The following CDH12 variants were observed in gnomAD, a reference collection of about 807,000 sequenced individuals.
The protein encoded by CDH12 is cadherin 12.
CDH12 carries 41 observed loss-of-function variants against 74.1 expected under a neutral mutation model. The ratio of observed to expected loss-of-function variants is 0.55; its 90% CI spans 0.43 to 0.72. CDH12 has a LOEUF of 0.72. Among genes scored for constraint, CDH12 ranks in the 30% least tolerant of loss-of-function variants. The pLI, the probability that CDH12 is intolerant of heterozygous loss-of-function variation, is 0.00. For synonymous variants in CDH12, 399 were observed against 355.0 expected (o/e 1.12, Z -1.39); for missense variants, 945 against 977.2 (o/e 0.97, Z 0.44).
At chr5:22,798,321 C>G (rs1315026779) in intron 1 of CDH12, among the ~76,000 whole-genome samples, 1 of 152,054 alleles carries the variant, frequency 6.6e-6, no homozygotes, top group Non-Finnish European at 1.5e-5. Flanking sequence ...TTAACAAAAA[C>G]TATAATAGTT....
intron 2 of CDH12, among the ~76,000 whole-genome samples, chr5:22,439,011 A>G (rs1372872227): frequency 6.6e-6 from 1 of 151,892 alleles, no homozygotes; most frequent in Non-Finnish European, 1.5e-5. Flanking sequence ...AGGAAGATTT[A>G]ATTAAGGAAA....
chr5:22,464,488 C>T (rs1015257869), intron 2 of CDH12, among the ~76,000 whole-genome samples: 8 of 152,102 alleles, frequency 5.3e-5, no homozygotes, highest in African/African-American at 1.9e-4. Flanking sequence ...TAATGAAATT[C>T]GTTTTGACAA....
At chr5:22,393,492 T>A (rs1016546920) in intron 3 of CDH12, among the ~76,000 whole-genome samples, 1 of 152,140 alleles carries the variant, frequency 6.6e-6, no homozygotes, top group South Asian at 2.1e-4. Context: ...GATATTGGCA[T>A]CTGGAAGTCA....
At chr5:22,652,371 T>G (rs1032196448) in intron 1 of CDH12, among the ~76,000 whole-genome samples, 2 of 152,134 alleles carry the variant, frequency 1.3e-5, no homozygotes, top group African/African-American at 4.8e-5. Context: ...TAGCCCTCTG[T>G]TATCAAGGAC....
intron 2 of CDH12, among the ~76,000 whole-genome samples, chr5:22,493,781 T>C (rs1478820561): frequency 6.6e-6 from 1 of 152,104 alleles, no homozygotes; most frequent in Non-Finnish European, 1.5e-5. Context: ...GAATGGGCCA[T>C]TGGGCAGAGT....
intron 2 of CDH12, among the ~76,000 whole-genome samples, chr5:22,440,302 T>C (rs920293301): frequency 6.6e-6 from 1 of 152,086 alleles, no homozygotes; most frequent in African/African-American, 2.4e-5. Flanking sequence ...AATGAGAAAC[T>C]CGAAGCATAA....
At chr5:22,018,618 C>T (rs1019481349) in intron 5 of CDH12, among the ~76,000 whole-genome samples, 1 of 152,114 alleles carries the variant, frequency 6.6e-6, no homozygotes, top group African/African-American at 2.4e-5. Flanking sequence ...TAGCCAAGGA[C>T]CTTTGTTTAT....
intron 6 of CDH12, among the ~76,000 whole-genome samples, chr5:21,892,493 C>T (rs1300104321): frequency 1.3e-5 from 2 of 151,998 alleles, no homozygotes; most frequent in African/African-American, 4.8e-5. Flanking sequence ...GTTACTTAGG[C>T]CAGAGATTAA....
Position 22,177,466 on chromosome 5 carries a change from A to G in CDH12, c.-187+35032T>C, listed in dbSNP as rs368475897. ...TTTAAATTATGTAGCACAAGTAGAT[A>G]TAGTATCAACTTAAAAAATTTCACA... is the stretch of plus-strand genomic sequence containing the variant. On this transcript the variant is annotated intron_variant, in intron 4 of 14. Transcript: ENST00000382254. 1.3e-4 allele frequency among the ~76,000 whole-genome samples: 20 copies of G among 152,320 alleles called. No homozygotes were observed. In the East Asian group the frequency reaches 2.7e-3, roughly 21 times the overall value.
chr5:22,026,425 T>C (rs1163019530), intron 5 of CDH12, among the ~76,000 whole-genome samples: 1 of 152,162 alleles, frequency 6.6e-6, no homozygotes, highest in Non-Finnish European at 1.5e-5. Flanking sequence ...GGTTTCGTTA[T>C]GCCTCTATTC....
At position 22,337,251 on chromosome 5, in the gene CDH12, C is replaced by T. The variant is rs183611574; in HGVS notation, c.-333+68006G>A. 6.2e-4 allele frequency among the ~76,000 whole-genome samples: 94 copies of T among 152,242 alleles called. 2 individuals carry two copies. The Middle Eastern group carries it at 0.01, about 17-fold the overall frequency. On this transcript the variant is annotated intron_variant, in intron 3 of 14. Transcript: ENST00000382254. ...TACAGGCTCATAGGCAGAAGGGACA[C>T]GCCTTGTCTAGGATGAGACTTTGGA...
chr5:21,795,890 A>C (rs1451180260), intron 10 of CDH12, among the ~76,000 whole-genome samples: 2 of 152,012 alleles, frequency 1.3e-5, no homozygotes, highest in African/African-American at 2.4e-5. Context: ...GTTTCTTAAA[A>C]ATCAATTCCA....
At chr5:22,295,279 G>A (rs1436441246) in intron 3 of CDH12, among the ~76,000 whole-genome samples, 1 of 151,958 alleles carries the variant, frequency 6.6e-6, no homozygotes, top group East Asian at 1.9e-4. Flanking sequence ...GAAAAACCAT[G>A]ATAATAGAAT....
intron 9 of CDH12, among the ~76,000 whole-genome samples, chr5:21,815,716 G>A (rs547702671): frequency 9.9e-5 from 15 of 151,964 alleles, no homozygotes; most frequent in African/African-American, 2.9e-4. Flanking sequence ...ATTTCTTCTA[G>A]TTCTCAGGTG....
intron 3 of CDH12, among the ~76,000 whole-genome samples, chr5:22,298,785 T>C (rs1260300678): frequency 6.6e-6 from 1 of 152,136 alleles, no homozygotes; most frequent in Non-Finnish European, 1.5e-5. Flanking sequence ...CAATAAGTCT[T>C]TAAATATCCA....
At chr5:21,781,185 C>T (rs1429131737) in intron 11 of CDH12, among the ~76,000 whole-genome samples, 1 of 152,100 alleles carries the variant, frequency 6.6e-6, no homozygotes, top group Non-Finnish European at 1.5e-5. Context: ...TTCCCATGGT[C>T]AGCTGGACAC....
At chr5:22,852,139 C>A (rs1737585726) in intron 1 of CDH12, among the ~76,000 whole-genome samples, 1 of 152,088 alleles carries the variant, frequency 6.6e-6, no homozygotes, top group African/African-American at 2.4e-5. Flanking sequence ...CTTCAAAATA[C>A]TCGATGAGAA....
intron 6 of CDH12, chr5:21,882,557 G>A (rs1160245901): frequency 4.5e-6 from 6 of 1,321,138 alleles, no homozygotes; most frequent in Admixed American, 3.4e-5. Flanking sequence ...CTGTCTCGCC[G>A]CGCGCATGCC....
chr5:22,812,093 A>G (rs1749176968), intron 1 of CDH12, among the ~76,000 whole-genome samples: 1 of 152,152 alleles, frequency 6.6e-6, no homozygotes, highest in Non-Finnish European at 1.5e-5. Context: ...CATCAGGATA[A>G]TGATGAGCTT....
Sources: allele counts gnomAD v4.1 joint callset (sites outside exome capture counted in the v4.1 genomes callset), GRCh38; gene constraint gnomAD v4.1.1; transcripts MANE v1.5; gene names NCBI Gene and HGNC (gene_info 2026-07-23, HGNC 2026-07-21).